The following PHYHD1 variants were observed in gnomAD, a reference collection of about 807,000 sequenced individuals.
PHYHD1 encodes phytanoyl-CoA dioxygenase domain containing 1.
Under a neutral mutation model 43.6 loss-of-function variants are expected in PHYHD1, and 42 were observed. The ratio of observed to expected loss-of-function variants is 0.96; its 90% CI spans 0.75 to 1.25. PHYHD1 has a LOEUF of 1.25. Ranked by LOEUF, PHYHD1 falls within the 50% of genes most tolerant of loss-of-function variation. PHYHD1 has a pLI of 0.00. For synonymous variants in PHYHD1, 139 were observed against 143.6 expected (o/e 0.97, Z 0.23); for missense variants, 342 against 370.8 (o/e 0.92, Z 0.64).
intron 4 of PHYHD1, among the ~76,000 whole-genome samples, chr9:128,930,447 TAAA>T (rs1223049668): frequency 7.5e-6 from 1 of 133,214 alleles, no homozygotes. Context: ...ACTGTCTTTT[TAAA>T]AAAAAAAAAA....
In PHYHD1 at chr9:128,927,318, C is replaced by T. The variant is rs565444186; in HGVS notation, c.192+122C>T. 128 of 1,178,578 alleles carry T rather than the reference C, an allele frequency of 1.1e-4. 3 individuals are homozygous for T. The South Asian group carries it at 1.5e-3, about 14-fold the overall frequency. The allele number at this position is 1,178,578 out of a possible 1,614,324, so 73.0% of individuals were successfully genotyped here. ...CCAGGGTGTCAGGCCAAGCCCCTTA[C>T]ACACCTTTCCCTCGCTCCTCACTGG... On this transcript the variant is annotated intron_variant, in intron 4 of 12. Coordinates refer to ENST00000372592, the MANE Select transcript of PHYHD1 (RefSeq NM_001100876.2).
At chr9:128,941,357 T>C (rs1841554341) in intron 11 of PHYHD1, 88 bp from the exon 12 acceptor site, 5 of 1,544,378 alleles carry the variant, frequency 3.2e-6, no homozygotes, top group Non-Finnish European at 4.4e-6. Flanking sequence ...ACAAAACCAC[T>C]GGAAGGAGGA....
intron 8 of PHYHD1, among the ~76,000 whole-genome samples, chr9:128,936,885 C>A (rs574023541): frequency 9.2e-5 from 14 of 151,968 alleles, no homozygotes; most frequent in Non-Finnish European, 1.9e-4. Flanking sequence ...GAGGCTGAAG[C>A]GGGCAGATCA....
intron 4 of PHYHD1, among the ~76,000 whole-genome samples, chr9:128,930,094 A>G (rs887758483): frequency 6.6e-6 from 1 of 152,026 alleles, no homozygotes; most frequent in Non-Finnish European, 1.5e-5. Flanking sequence ...CCTGAGCAAC[A>G]TGGCAAAACC....
At chr9:128,923,035 C>T (rs1245007865) in intron 3 of PHYHD1, among the ~76,000 whole-genome samples, 3 of 150,190 alleles carry the variant, frequency 2.0e-5, no homozygotes, top group African/African-American at 7.3e-5. Context: ...ACCTCTGACT[C>T]CCAGGTTCAA....
At chr9:128,927,015 C>T in intron 3 of PHYHD1, 23 bp from the exon 4 acceptor site, 1 of 1,614,094 alleles carries the variant, frequency 6.2e-7, no homozygotes, top group Non-Finnish European at 8.5e-7. Context: ...CTGGGGAAGC[C>T]TGAGTCTCAA....
chr9:128,933,676 TG>T, intron 4 of PHYHD1, 105 bp from the exon 5 acceptor site: 1 of 1,232,008 alleles, frequency 8.1e-7, no homozygotes, highest in Non-Finnish European at 1.2e-6. Context: ...CCAGGGTGTC[TG>T]TAACCCTGTG....
In PHYHD1 at chr9:128,941,559, G is replaced by C; in HGVS notation, c.818G>C (p.Ser273Thr). ...ATGGAGGCCTCTGGCACCACCTGGA[G>C]CCCGGAGAACTGGTAGGTGACAGGG... ...HLMEASGTTW[S>T]PENWLQPTAE... The change falls in exon 12 of 13, where the codon AGC becomes ACC. Residue 273 changes from serine (S) to threonine (T), a missense_variant. Transcript: ENST00000372592. The C allele has an allele frequency of 6.2e-7, 1 of 1,614,126 alleles. No homozygotes were observed. Among genetic ancestry groups the C allele is most frequent in the Non-Finnish European group, 8.5e-7 (1 of 1,180,016 alleles).
intron 3 of PHYHD1, among the ~76,000 whole-genome samples, chr9:128,922,841 C>T (rs1357022039): frequency 2.0e-5 from 3 of 151,588 alleles, no homozygotes; most frequent in African/African-American, 7.3e-5. Flanking sequence ...AAGTCTGTTA[C>T]AACAGCTACC....
Position 128,929,546 on chromosome 9 carries a change from G to A in PHYHD1, c.192+2350G>A, listed in dbSNP as rs373637668. The stretch of plus-strand genomic sequence containing the variant: ...AAATTAGCTGGGCATGGTGGCAGGC[G>A]CCGGCGGTCCCAGCTACTTGGGTGG... On this transcript the variant is annotated intron_variant, in intron 4 of 12. Transcript: ENST00000372592. Among the ~76,000 whole-genome samples, 129 of 151,832 alleles carry A rather than the reference G, an allele frequency of 8.5e-4. 2 individuals are homozygous for A. The East Asian group carries it at 0.017, about 19-fold the overall frequency.
rs1174285824 is a variant in PHYHD1 at position 128,939,354 on chromosome 9, A to AT, written c.458-1015_458-1014insT. 5.5e-5 allele frequency among the ~76,000 whole-genome samples: 7 copies of AT among 127,280 alleles called. 2 individuals are homozygous for AT. Among genetic ancestry groups the AT allele is most frequent in the Non-Finnish European group, 1.1e-4 (6 of 54,956 alleles). The allele number at this position is 127,280 out of a possible 152,430, so 83.5% of individuals were successfully genotyped here. A position where few individuals can be genotyped will look rare whatever the true frequency, so the allele number is the denominator to read the frequency against. ...CAGCACTTTGGGAGGCCGAGGGGGTAGATCACCTAAGGTCAGGAGTTTGAG... is the reference window on the plus strand; with the variant it reads ...CAGCACTTTGGGAGGCCGAGGGGGTATGATCACCTAAGGTCAGGAGTTTGAG... On this transcript the variant is annotated intron_variant, in intron 9 of 12. Coordinates refer to ENST00000372592, the MANE Select transcript of PHYHD1 (RefSeq NM_001100876.2).
chr9:128,936,649 A>G lies in PHYHD1; in HGVS notation c.435+4A>G. ...GCAGAGCATGTACATCTTTAAGGTG[A>G]GCTCCTTGTCCTTGCCTCAGTTTAC... On this transcript the variant is annotated splice_donor_region_variant and intron_variant, in intron 8 of 12. Coordinates refer to ENST00000372592, the MANE Select transcript of PHYHD1 (RefSeq NM_001100876.2). 6.4e-7 allele frequency: 1 copy of G among 1,552,204 alleles called. No individual in the cohort carries two copies. The highest frequency in any genetic ancestry group is 8.7e-7 in the Non-Finnish European group (1 of 1,147,262).
At chr9:128,924,473 G>C (rs1012167472) in intron 3 of PHYHD1, among the ~76,000 whole-genome samples, 1 of 151,838 alleles carries the variant, frequency 6.6e-6, no homozygotes, top group African/African-American at 2.4e-5. Flanking sequence ...TTAGCCAGGC[G>C]TGGTGGTGTG....
At chr9:128,924,451 A>G (rs1374925804) in intron 3 of PHYHD1, among the ~76,000 whole-genome samples, 1 of 151,908 alleles carries the variant, frequency 6.6e-6, no homozygotes, top group African/African-American at 2.4e-5. Context: ...ATAAACAATA[A>G]AATAAATAAA....
At chr9:128,923,764 C>G (rs1023671145) in intron 3 of PHYHD1, among the ~76,000 whole-genome samples, 1 of 152,068 alleles carries the variant, frequency 6.6e-6, no homozygotes, top group Non-Finnish European at 1.5e-5. Context: ...GTGGGAGGAT[C>G]GCTTGTGCAC....
chr9:128,924,369 G>C (rs886298424), intron 3 of PHYHD1, among the ~76,000 whole-genome samples: 1 of 152,238 alleles, frequency 6.6e-6, no homozygotes, highest in African/African-American at 2.4e-5. Context: ...AGTGAGCTGA[G>C]ATCGCGCCAC....
At chr9:128,926,552 TTC>T (rs1229992555) in intron 3 of PHYHD1, among the ~76,000 whole-genome samples, 5 of 148,394 alleles carry the variant, frequency 3.4e-5, no homozygotes, top group African/African-American at 1.2e-4. Context: ...CTTTTTCTTT[TTC>T]TTTCTTTTTT....
Position 128,938,578 on chromosome 9 carries a change from C to T in PHYHD1, c.457+800C>T, listed in dbSNP as rs551056541. ...CTGGGATTACAGGTGCCTGCCACCA[C>T]GCCCAGCTAATTTTTTGTATTTTTA... is the stretch of plus-strand genomic sequence containing the variant. On this transcript the variant is annotated intron_variant, in intron 9 of 12. Transcript: ENST00000372592. 3.2e-3 allele frequency among the ~76,000 whole-genome samples: 493 copies of T among 152,162 alleles called. 4 individuals carry two copies. Among genetic ancestry groups the T allele is most frequent in the South Asian group, 5.2e-3 (25 of 4,816 alleles).
rs1841570518 is a variant in PHYHD1, at chr9:128,941,783, C to T, written c.*70C>T. ...GTGGGCTGTAAACACCAGTGCCTTG[C>T]TCAGCCTCCTGGTTGCAACAGGGAG... is the stretch of plus-strand genomic sequence containing the variant. On this transcript the variant is annotated 3_prime_UTR_variant, in exon 13 of 13. Transcript: ENST00000372592. The T allele has an allele frequency of 3.7e-6, 6 of 1,602,864 alleles. No individual in the cohort carries two copies. Among genetic ancestry groups the T allele is most frequent in the Non-Finnish European group, 5.1e-6 (6 of 1,170,448 alleles).
Sources: allele counts gnomAD v4.1 joint callset (sites outside exome capture counted in the v4.1 genomes callset), GRCh38; gene constraint gnomAD v4.1.1; transcripts MANE v1.5; gene names NCBI Gene and HGNC (gene_info 2026-07-23, HGNC 2026-07-21).